TNPO1: variants seen among roughly 807,000 people sequenced by gnomAD.
TNPO1 encodes transportin 1.
Under a neutral mutation model 119.5 loss-of-function variants are expected in TNPO1, and 8 were observed. The ratio of observed to expected loss-of-function variants is 0.07; its 90% CI spans 0.04 to 0.12. The LOEUF (loss-of-function observed/expected upper bound fraction) is 0.12, where lower values mean the gene tolerates loss of function less well. Among genes scored for constraint, TNPO1 ranks in the 10% least tolerant of loss-of-function variants. The pLI, the probability that TNPO1 is intolerant of heterozygous loss-of-function variation, is 1.00. For missense variants in TNPO1, 576 were observed against 1,089.8 expected, an observed-to-expected ratio of 0.53 and a Z score of 6.64; for synonymous variants, 362 against 363.0, an observed-to-expected ratio of 1.00 and a Z score of 0.03.
intron 14 of TNPO1, among the ~76,000 whole-genome samples, chr5:72,891,322 G>A (rs968988060): frequency 1.3e-5 from 2 of 152,094 alleles, no homozygotes; most frequent in African/African-American, 2.4e-5. Context: ...AAAATTAGCC[G>A]GGTGTGGTGG....
At chr5:72,861,460 C>G (rs1347480543) in intron 4 of TNPO1, among the ~76,000 whole-genome samples, 1 of 152,050 alleles carries the variant, frequency 6.6e-6, no homozygotes, top group African/African-American at 2.4e-5. Flanking sequence ...TGAGTGTGGT[C>G]TCATAGTCAT....
chr5:72,883,845 G>T (rs1748428905), intron 11 of TNPO1, among the ~76,000 whole-genome samples: 1 of 152,006 alleles, frequency 6.6e-6, no homozygotes, highest in Admixed American at 6.6e-5. Flanking sequence ...CCTGGGCTCT[G>T]GTGATCCTCC....
chr5:72,869,739 A>G (rs1032441996), intron 6 of TNPO1, among the ~76,000 whole-genome samples: 15 of 152,238 alleles, frequency 9.9e-5, no homozygotes, highest in African/African-American at 3.4e-4. Context: ...CTTATAATCT[A>G]TAAGGAAGAG....
intron 1 of TNPO1, among the ~76,000 whole-genome samples, chr5:72,834,328 A>AGGT (rs1261508283): frequency 6.6e-6 from 1 of 152,212 alleles, no homozygotes; most frequent in Non-Finnish European, 1.5e-5. Context: ...CACCTCAGCC[A>AGGT]GGTCCTTCAG....
intron 24 of TNPO1, among the ~76,000 whole-genome samples, chr5:72,908,123 A>G (rs922545579): frequency 3.3e-5 from 5 of 152,134 alleles, no homozygotes; most frequent in African/African-American, 1.2e-4. Context: ...TTGTTTGTTG[A>G]TACTTACTGA....
chr5:72,869,026 A>T (rs1747169115), intron 6 of TNPO1, among the ~76,000 whole-genome samples: 1 of 152,168 alleles, frequency 6.6e-6, no homozygotes, highest in Middle Eastern at 3.2e-3. Flanking sequence ...AAAAAAGTTT[A>T]TAACATATTG....
At chr5:72,868,969 T>C (rs1156532107) in intron 6 of TNPO1, among the ~76,000 whole-genome samples, 1 of 151,686 alleles carries the variant, frequency 6.6e-6, no homozygotes. Flanking sequence ...GATCGTGCCA[T>C]TGCAACTCCA....
intron 6 of TNPO1, among the ~76,000 whole-genome samples, chr5:72,871,220 G>A (rs376929734): frequency 5.7e-4 from 87 of 152,150 alleles, no homozygotes; most frequent in African/African-American, 1.9e-3. Context: ...CAAGTGATCC[G>A]CCCGCCTCGG....
At chr5:72,881,495 G>T (rs1748245314) in intron 9 of TNPO1, among the ~76,000 whole-genome samples, 1 of 152,196 alleles carries the variant, frequency 6.6e-6, no homozygotes, top group Non-Finnish European at 1.5e-5. Context: ...TAACCAGGTT[G>T]TTGAATGCCT....
chr5:72,846,346 G>A (rs1259184795), intron 1 of TNPO1, among the ~76,000 whole-genome samples: 1 of 152,038 alleles, frequency 6.6e-6, no homozygotes, highest in Non-Finnish European at 1.5e-5. Context: ...AGTTAAATTG[G>A]TATGTATTGG....
chr5:72,864,678 G>A (rs1195369950), intron 5 of TNPO1, among the ~76,000 whole-genome samples: 7 of 151,680 alleles, frequency 4.6e-5, no homozygotes, highest in East Asian at 1.9e-4. Context: ...GTGCCATCTC[G>A]GCCCACTGCA....
At chr5:72,905,195 A>T in intron 23 of TNPO1, 108 bp from the exon 24 acceptor site, 2 of 844,094 alleles carry the variant, frequency 2.4e-6, no homozygotes, top group East Asian at 2.5e-5. Context: ...TTGCTACTTT[A>T]AAATGGATAA....
rs781052916 is a variant in TNPO1, at chr5:72,889,780, A to T, written c.1530-6A>T. The T allele has an allele frequency of 6.7e-5, 102 of 1,511,476 alleles. No homozygotes were observed. The highest frequency in any genetic ancestry group is 3.1e-4 in the East Asian group (13 of 42,044). 93.6% of individuals were successfully genotyped at this position (1,511,476 alleles called of 1,614,324 possible). A position where few individuals can be genotyped will look rare whatever the true frequency, so the allele number is the denominator to read the frequency against. ...ATAAGTATTCTTTTTTTTTTTTTTTAAACAGTGCCTTTGCTACCCTAGAAG... is the reference window on the plus strand; with the variant it reads ...ATAAGTATTCTTTTTTTTTTTTTTTTAACAGTGCCTTTGCTACCCTAGAAG... On this transcript the variant is annotated splice_polypyrimidine_tract_variant and splice_region_variant and intron_variant, in intron 13 of 24. Transcript: ENST00000337273.
Position 72,835,490 on chromosome 5 carries a change from C to T in TNPO1, c.16-12895C>T, listed in dbSNP as rs115500550. ...CCTTCTTGCTGCATCCCCACATGGA[C>T]GAAGGGATGTGCCCTCACATGGTGG... On this transcript the variant is annotated intron_variant, in intron 1 of 24. Coordinates refer to ENST00000337273, the MANE Select transcript of TNPO1 (RefSeq NM_002270.4). 4.4e-3 allele frequency among the ~76,000 whole-genome samples: 665 copies of T among 152,282 alleles called. 7 individuals are homozygous for T. Among genetic ancestry groups the T allele is most frequent in the African/African-American group, 0.015 (642 of 41,556 alleles).
chr5:72,908,021 C>T (rs1750294145), intron 24 of TNPO1, among the ~76,000 whole-genome samples: 1 of 152,100 alleles, frequency 6.6e-6, no homozygotes, highest in Admixed American at 6.5e-5. Flanking sequence ...CCACTGCGTT[C>T]CAGCCTGGGT....
intron 6 of TNPO1, among the ~76,000 whole-genome samples, chr5:72,869,032 T>A (rs1268995710): frequency 6.6e-6 from 1 of 152,086 alleles, no homozygotes; most frequent in Admixed American, 6.6e-5. Flanking sequence ...GTTTATAACA[T>A]ATTGCAATGA....
chr5:72,836,815 C>A (rs1203479943), intron 1 of TNPO1, among the ~76,000 whole-genome samples: 1 of 152,210 alleles, frequency 6.6e-6, no homozygotes, highest in Non-Finnish European at 1.5e-5. Context: ...CTCTTAAGTC[C>A]TGCCTTCCAC....
chr5:72,826,867 G>GATAT, intron 1 of TNPO1, among the ~76,000 whole-genome samples: 1 of 152,238 alleles, frequency 6.6e-6, no homozygotes, highest in Middle Eastern at 3.4e-3. Flanking sequence ...ATAGTTGAAA[G>GATAT]GAGCTTGAAT....
chr5:72,821,277 GATGC>G (rs777175058), intron 1 of TNPO1, among the ~76,000 whole-genome samples: 4 of 152,124 alleles, frequency 2.6e-5, no homozygotes, highest in Admixed American at 6.6e-5. Flanking sequence ...CTTTATCCTA[GATGC>G]ATATGTTTCT....
Sources: allele counts gnomAD v4.1 joint callset (sites outside exome capture counted in the v4.1 genomes callset), GRCh38; gene constraint gnomAD v4.1.1; transcripts MANE v1.5; gene names NCBI Gene and HGNC (gene_info 2026-07-23, HGNC 2026-07-21).